DOCK6: variants seen among roughly 807,000 people sequenced by gnomAD.
DOCK6 encodes dedicator of cytokinesis protein 6.
Under a neutral mutation model 230.3 loss-of-function variants are expected in DOCK6, and 167 were observed. The ratio of observed to expected loss-of-function variants is 0.73; its 90% confidence interval spans 0.64 to 0.82. The LOEUF (loss-of-function observed/expected upper bound fraction) is 0.82. Ranked by LOEUF, DOCK6 falls within the 40% of genes least tolerant of loss-of-function variation. DOCK6 has a pLI of 0.00. For missense variants in DOCK6, 2,598 were observed against 2,825.8 expected, an observed-to-expected ratio of 0.92 and a Z score of 1.83; for synonymous variants, 1,148 against 1,185.0, an observed-to-expected ratio of 0.97 and a Z score of 0.64.
At chr19:11,206,903 G>C (rs1212396932) in intron 39 of DOCK6, among the ~76,000 whole-genome samples, 1 of 151,750 alleles carries the variant, frequency 6.6e-6, no homozygotes, top group Non-Finnish European at 1.5e-5. Flanking sequence ...GAGTGCAGTG[G>C]GCATGATCTC....
Position 11,252,947 on chromosome 19 carries a change from A to T in DOCK6, c.144T>A (p.Thr48=). 1 of 1,606,864 alleles carries T rather than the reference A, an allele frequency of 6.2e-7. No individual in the cohort carries two copies. Among genetic ancestry groups the T allele is most frequent in the South Asian group, 1.1e-5 (1 of 89,872 alleles). The part of the protein sequence containing the change: ...RCSSSLGVPL[T]EVVEPLDFED... ...CAAAGTCCAGGGGCTCGACAACTTC[A>T]GTCAGTGGGACCTGGATTGGAGCAA... The change falls in exon 3 of 48, where the codon ACT becomes ACA. Residue 48 remains threonine, a synonymous_variant. Transcript: ENST00000294618.
chr19:11,243,198 T>G lies in DOCK6; in HGVS notation c.1387-46A>C. 6.2e-7 allele frequency: 1 copy of G among 1,612,654 alleles called. No individual in the cohort carries two copies. The highest frequency in any genetic ancestry group is 1.7e-5 in the Admixed American group (1 of 59,932). ...TCAGCCTGGGCCAGGGGGCTAGGGG[T>G]CCCCAGGGCTAATGCAGCCAGCGGG... On this transcript the variant is annotated intron_variant, in intron 12 of 47. Coordinates refer to ENST00000294618, the MANE Select transcript of DOCK6 (RefSeq NM_020812.4). This position sits in a 1 kb window ranked among gnomAD's most constrained non-coding sequence, Gnocchi z 6.3.
rs181269909 is a variant in DOCK6 at position 11,214,489 on chromosome 19, T to G, written c.4203+64A>C. The G allele has an allele frequency of 1.4e-4, 229 of 1,613,034 alleles. 1 individual carries two copies. In the Middle Eastern group the frequency reaches 1.6e-3, roughly 12 times the overall value. ...AAAGGGAAGGAGAGGGATTATGGAG[T>G]CAGAGACCACAGGGCACTGCAGTTG... On this transcript the variant is annotated intron_variant, in intron 33 of 47. Coordinates refer to ENST00000294618, the MANE Select transcript of DOCK6 (RefSeq NM_020812.4).
At chr19:11,227,564 T>C (rs11666973) in intron 23 of DOCK6, 87 bp from the exon 24 acceptor site, 3 of 1,315,312 alleles carry the variant, frequency 2.3e-6, no homozygotes, top group African/African-American at 3.6e-5. Context: ...TGAAGGGCTG[T>C]GGGTGGGGCT....
intron 1 of DOCK6, among the ~76,000 whole-genome samples, chr19:11,257,736 C>A (rs1411922758): frequency 2.0e-5 from 3 of 151,876 alleles, no homozygotes; most frequent in African/African-American, 7.3e-5. Context: ...TTGCAGTGAG[C>A]CGAGATTGCG....
At chr19:11,252,714 C>T (rs960016979) in intron 3 of DOCK6, 69 bp downstream of exon 3, 28 of 1,596,030 alleles carry the variant, frequency 1.8e-5, no homozygotes, top group Non-Finnish European at 2.2e-5. Context: ...GAGCTGAAGT[C>T]GGGCTGTTGA....
chr19:11,237,912 G>T (rs2079877179), intron 16 of DOCK6, 133 bp from the exon 17 acceptor site: 5 of 1,404,882 alleles, frequency 3.6e-6, no homozygotes, highest in Non-Finnish European at 4.9e-6. Context: ...TCCCTCATTA[G>T]CACTCTGGGA....
intron 3 of DOCK6, 47 bp downstream of exon 3, chr19:11,252,736 G>A (rs1179376221): frequency 3.1e-6 from 5 of 1,596,128 alleles, no homozygotes; most frequent in Middle Eastern, 1.9e-4. Context: ...GGGGTTGGCA[G>A]AGACAGAGTG....
At chr19:11,229,408 G>A in intron 22 of DOCK6, 1 of 1,048,922 alleles carries the variant, frequency 9.5e-7, no homozygotes, top group South Asian at 3.7e-5. Context: ...GGGATGTGAT[G>A]GCGAGGAGAA....
In DOCK6 at chr19:11,202,706, C is replaced by G. The variant is rs776462969; in HGVS notation, c.5239G>C (p.Val1747Leu). 6.2e-7 allele frequency: 1 copy of G among 1,613,802 alleles called. No individual in the cohort carries two copies. Among genetic ancestry groups the G allele is most frequent in the Non-Finnish European group, 8.5e-7 (1 of 1,179,896 alleles). The part of the protein sequence containing the change: ...IMHQSSGWER[V>L]FGTYFRVGFY... The stretch of plus-strand genomic sequence containing the variant: ...CCCACGCGGAAATACGTCCCGAACA[C>G]GCGCTGGGGCTGTGAGAAAGGGTGT... The change falls in exon 42 of 48, where the codon GTG becomes CTG. Residue 1747 changes from valine to leucine, a missense_variant. By Grantham distance (32) the Val-to-Leu change is conservative (BLOSUM62 1). Transcript: ENST00000294618. This position sits in a 1 kb window ranked among gnomAD's most constrained non-coding sequence, Gnocchi z 5.3.
intron 28 of DOCK6, among the ~76,000 whole-genome samples, chr19:11,220,375 C>T (rs533161799): frequency 6.6e-6 from 1 of 152,224 alleles, no homozygotes; most frequent in East Asian, 1.9e-4. Flanking sequence ...AAATATATAG[C>T]AGATCTTGCC....
chr19:11,241,677 T>A, intron 14 of DOCK6: 1 of 1,583,462 alleles, frequency 6.3e-7, no homozygotes, highest in Non-Finnish European at 8.6e-7. Flanking sequence ...ACAGCGGCGC[T>A]CCCAGCCTGA....
chr19:11,215,041 C>T (rs2147758438), intron 32 of DOCK6, among the ~76,000 whole-genome samples: 1 of 151,586 alleles, frequency 6.6e-6, no homozygotes, highest in South Asian at 2.1e-4. Context: ...CTCCCGGGTT[C>T]ACACCATTCT....
At chr19:11,252,333 C>A in intron 4 of DOCK6, 85 bp from the exon 5 acceptor site, 1 of 1,567,120 alleles carries the variant, frequency 6.4e-7, no homozygotes, top group Non-Finnish European at 8.7e-7. Flanking sequence ...CTACATGGCA[C>A]CTTCAAAGCC....
intron 28 of DOCK6, among the ~76,000 whole-genome samples, chr19:11,217,757 C>CAA (rs764367133): frequency 1.1e-5 from 1 of 89,538 alleles, no homozygotes. Flanking sequence ...CACTCTGTCT[C>CAA]AAAAAAAAAA....
intron 13 of DOCK6, among the ~76,000 whole-genome samples, chr19:11,242,826 C>G (rs1382196912): frequency 3.9e-5 from 6 of 152,166 alleles, no homozygotes. Context: ...CCCCAGGACC[C>G]CTGCCTGCCC....
Position 11,216,903 on chromosome 19 carries a change from C to G in DOCK6, c.3894+11G>C. ...TGCCTCCTCCATCATCTCCTGCCCA[C>G]GCCCTCAAACCTTGTACTCAAAGGC... On this transcript the variant is annotated intron_variant, in intron 30 of 47. Coordinates refer to ENST00000294618, the MANE Select transcript of DOCK6 (RefSeq NM_020812.4). 6.2e-7 allele frequency: 1 copy of G among 1,613,350 alleles called. No homozygotes were observed. Among genetic ancestry groups the G allele is most frequent in the Non-Finnish European group, 8.5e-7 (1 of 1,179,532 alleles).
At chr19:11,232,511 T>G (rs1860125961) in intron 22 of DOCK6, among the ~76,000 whole-genome samples, 1 of 152,146 alleles carries the variant, frequency 6.6e-6, no homozygotes, top group Admixed American at 6.5e-5. Context: ...CCTGTAAGTC[T>G]GTGCATGGGG....
chr19:11,214,712 TC>T, intron 32 of DOCK6, 63 bp from the exon 33 acceptor site: 1 of 1,507,520 alleles, frequency 6.6e-7, no homozygotes, highest in Non-Finnish European at 9.1e-7. Flanking sequence ...ATGGCTGAGC[TC>T]TCTCCTTCCC....
Sources: allele counts gnomAD v4.1 joint callset (sites outside exome capture counted in the v4.1 genomes callset), GRCh38; gene constraint gnomAD v4.1.1; non-coding constraint Gnocchi (gnomAD v3.1); transcripts MANE v1.5; gene names NCBI Gene and HGNC (gene_info 2026-07-23, HGNC 2026-07-21).